Variants in CSMD1 observed in about 807,000 individuals in gnomAD.
The protein encoded by CSMD1 is CUB and sushi domain-containing protein 1.
Under a neutral mutation model 417.5 loss-of-function variants are expected in CSMD1, and 213 were observed. The ratio of observed to expected loss-of-function variants is 0.51; its 90% CI spans 0.46 to 0.57. The LOEUF is 0.57. Among genes scored for constraint, CSMD1 ranks in the 20% least tolerant of loss-of-function variants. The pLI, the probability that CSMD1 is intolerant of heterozygous loss-of-function variation, is 0.00. For synonymous variants in CSMD1, 2,862 were observed against 1,736.8 expected, an observed-to-expected ratio of 1.65 and a Z score of -16.11; for missense variants, 6,923 against 4,529.7, an observed-to-expected ratio of 1.53 and a Z score of -15.17.
intron 50 of CSMD1, among the ~76,000 whole-genome samples, chr8:3,051,031 C>T (rs1563281506): frequency 1.3e-5 from 2 of 152,166 alleles, no homozygotes; most frequent in Non-Finnish European, 2.9e-5. Context: ...TTGTGGAAAG[C>T]AGTGTGGTGA....
chr8:4,353,590 G>A (rs868577629), intron 3 of CSMD1, among the ~76,000 whole-genome samples: 15 of 151,806 alleles, frequency 9.9e-5, no homozygotes, highest in Admixed American at 7.9e-4. Context: ...AGCATATCCT[G>A]AAGCACATGC....
chr8:4,651,624 A>G (rs1168513290), intron 1 of CSMD1, among the ~76,000 whole-genome samples: 1 of 152,226 alleles, frequency 6.6e-6, no homozygotes, highest in Non-Finnish European at 1.5e-5. Context: ...TAATATTCTC[A>G]TAAGATCCTT....
At chr8:3,620,530 G>A (rs192779325) in intron 7 of CSMD1, among the ~76,000 whole-genome samples, 5 of 152,210 alleles carry the variant, frequency 3.3e-5, no homozygotes, top group Admixed American at 3.3e-4. Flanking sequence ...ATAAAGTAAG[G>A]GAGCAGACTT....
chr8:4,450,775 G>C (rs1036041699), intron 2 of CSMD1, among the ~76,000 whole-genome samples: 3 of 152,174 alleles, frequency 2.0e-5, no homozygotes, highest in East Asian at 1.9e-4. Flanking sequence ...TTGAAAGCAA[G>C]TATTGTATTT....
At chr8:4,810,421 G>A (rs951333502) in intron 1 of CSMD1, among the ~76,000 whole-genome samples, 2 of 152,148 alleles carry the variant, frequency 1.3e-5, no homozygotes, top group African/African-American at 2.4e-5. Context: ...AACTCACTAT[G>A]CAGGGAAACT....
intron 2 of CSMD1, among the ~76,000 whole-genome samples, chr8:4,503,816 G>C (rs1337181849): frequency 6.6e-6 from 1 of 152,056 alleles, no homozygotes; most frequent in African/African-American, 2.4e-5. Context: ...CATCACCTAT[G>C]TGCGGCTTTT....
intron 1 of CSMD1, among the ~76,000 whole-genome samples, chr8:4,915,676 G>T (rs1282448323): frequency 6.6e-6 from 1 of 152,196 alleles, no homozygotes; most frequent in South Asian, 2.1e-4. Flanking sequence ...GTTAGCGCCC[G>T]GCGGCAGTGG....
intron 3 of CSMD1, among the ~76,000 whole-genome samples, chr8:4,288,587 C>G (rs866688563): frequency 5.3e-5 from 8 of 152,202 alleles, no homozygotes; most frequent in Admixed American, 3.9e-4. Flanking sequence ...CAGCTCTACG[C>G]ATGCAGCTGG....
At chr8:4,353,787 T>C (rs1190429584) in intron 3 of CSMD1, among the ~76,000 whole-genome samples, 1 of 152,198 alleles carries the variant, frequency 6.6e-6, no homozygotes, top group Non-Finnish European at 1.5e-5. Flanking sequence ...ACTTATTTGC[T>C]GGCTTATAAA....
chr8:2,950,186 A>C (rs1802529682), intron 67 of CSMD1, 45 bp downstream of exon 67: 1 of 1,250,952 alleles, frequency 8.0e-7, no homozygotes, highest in Non-Finnish European at 1.2e-6. Flanking sequence ...CAGAGAGATG[A>C]TTAGAAAGCC....
chr8:4,168,326 G>T (rs1207889493), intron 3 of CSMD1, among the ~76,000 whole-genome samples: 2 of 151,836 alleles, frequency 1.3e-5, no homozygotes, highest in Non-Finnish European at 2.9e-5. Context: ...AGACCAAAAG[G>T]TCAAGGCTAC....
Position 4,043,039 on chromosome 8 carries a change from G to A in CSMD1, c.416-10940C>T, listed in dbSNP as rs145543138. On this transcript the variant is annotated intron_variant, in intron 3 of 69. Transcript: ENST00000635120. ...CCCAGCTACTTGGGAGGTTGAAGCA[G>A]GAGAATCACTTGAACCTTGGAGGCA... 9.2e-5 allele frequency among the ~76,000 whole-genome samples: 14 copies of A among 152,120 alleles called. No homozygotes were observed. In the East Asian group the frequency reaches 2.1e-3, roughly 23 times the overall value.
intron 12 of CSMD1, among the ~76,000 whole-genome samples, chr8:3,412,627 G>C (rs754005075): frequency 6.6e-6 from 1 of 152,162 alleles, no homozygotes; most frequent in African/African-American, 2.4e-5. Context: ...TGAGGTTCAA[G>C]GTACACTGCT....
At chr8:3,108,470 T>C in intron 44 of CSMD1, 133 bp downstream of exon 44, 1 of 798,170 alleles carries the variant, frequency 1.3e-6, no homozygotes, top group South Asian at 2.2e-5. Flanking sequence ...AACGCTGGCC[T>C]CCAGTGCAAA....
chr8:4,710,593 C>G (rs6983637), intron 1 of CSMD1, among the ~76,000 whole-genome samples: 14,545 of 150,970 alleles, frequency 0.096, 1,156 homozygotes, highest in African/African-American at 0.22. Flanking sequence ...CGCTTGTGAT[C>G]CCAGCACTTT....
chr8:3,816,216 G>A (rs1017504925), intron 5 of CSMD1, among the ~76,000 whole-genome samples: 2 of 152,136 alleles, frequency 1.3e-5, no homozygotes, highest in African/African-American at 4.8e-5. Context: ...TTTTCAGACA[G>A]AAGGGCACGT....
chr8:2,938,848 T>C (rs917884530), intron 69 of CSMD1, 104 bp from the exon 70 acceptor site: 10 of 993,690 alleles, frequency 1.0e-5, no homozygotes, highest in South Asian at 3.3e-5. Flanking sequence ...GGGAGCAGTA[T>C]AGCCAGGACG....
intron 1 of CSMD1, among the ~76,000 whole-genome samples, chr8:4,831,654 G>A (rs1340878919): frequency 6.6e-6 from 1 of 152,166 alleles, no homozygotes; most frequent in Non-Finnish European, 1.5e-5. Flanking sequence ...ATGGAATGAT[G>A]ATACTCTGAT....
intron 1 of CSMD1, among the ~76,000 whole-genome samples, chr8:4,847,007 A>G (rs1342191075): frequency 6.6e-6 from 1 of 152,160 alleles, no homozygotes; most frequent in Non-Finnish European, 1.5e-5. Flanking sequence ...ATGATTTGTC[A>G]GTAGAAGAAA....
Sources: gnomAD v4.1 joint callset for allele counts (sites outside exome capture counted in the v4.1 genomes callset) on GRCh38, gnomAD v4.1.1 for gene constraint, MANE v1.5 for transcripts, NCBI Gene and HGNC (gene_info 2026-07-23, HGNC 2026-07-21) for gene names.